The following UGT2A2 variants were observed in gnomAD, a reference collection of about 807,000 sequenced individuals.
The protein encoded by UGT2A2 is UDP-glucuronosyltransferase 2A2.
Under a neutral mutation model 50.7 loss-of-function variants are expected in UGT2A2, and 60 were observed. The observed-to-expected ratio is 1.18, with a 90% CI of 0.96 to 1.47. UGT2A2 has a LOEUF of 1.47. UGT2A2 is among the 40% of genes most tolerant of loss of function. The probability of loss-of-function intolerance (pLI) is 0.00; values close to 1 mark genes in which losing one functional copy is unlikely to be tolerated. For synonymous variants in UGT2A2, 242 were observed against 214.6 expected, an observed-to-expected ratio of 1.13 and a Z score of -1.11; for missense variants, 762 against 634.0, an observed-to-expected ratio of 1.20 and a Z score of -2.17.
rs556690445 is a variant in UGT2A2 at position 69,633,627 on chromosome 4, G to A, written c.742+5272C>T. Among the ~76,000 whole-genome samples, 11 of 152,300 alleles carry A rather than the reference G, an allele frequency of 7.2e-5. No homozygotes were observed. In the South Asian group the frequency reaches 2.3e-3, roughly 32 times the overall value. The stretch of plus-strand genomic sequence containing the variant: ...CCATATAGCTATAAGAATGAGCACA[G>A]CATATCTACATGCAACAACTTGTAC... On this transcript the variant is annotated intron_variant, in intron 1 of 5. Coordinates refer to ENST00000604629, the MANE Select transcript of UGT2A2 (RefSeq NM_001105677.2).
In UGT2A2 at chr4:69,595,173, T is replaced by C. The variant is rs1464651304; in HGVS notation, c.1100A>G (p.Asn367Ser). The C allele has an allele frequency of 3.1e-6, 5 of 1,613,844 alleles. No individual in the cohort carries two copies. The highest frequency in any genetic ancestry group is 4.2e-6 in the Non-Finnish European group (5 of 1,179,848). Residue 367 changes from asparagine (N) to serine (S), a missense_variant, in exon 4 of 6, where the codon AAT becomes AGT. By Grantham distance (46) the Asn-to-Ser change is conservative. Coordinates refer to ENST00000604629, the MANE Select transcript of UGT2A2 (RefSeq NM_001105677.2). Reference sequence around the variant, plus strand: ...CCCCACAGTCTTACCAAGAAGATCATTCTGGGGTATCCAATCAAAGAGCTG... The same window carrying C: ...CCCCACAGTCTTACCAAGAAGATCACTCTGGGGTATCCAATCAAAGAGCTG... ...NTQLFDWIPQ[N>S]DLLGHPKTKA...
chr4:69,608,400 T>C (rs1577963067), intron 1 of UGT2A2, among the ~76,000 whole-genome samples: 2 of 122,276 alleles, frequency 1.6e-5, no homozygotes, highest in East Asian at 2.9e-4. Context: ...AAGGGGAACA[T>C]CACACACCGG....
intron 1 of UGT2A2, among the ~76,000 whole-genome samples, chr4:69,626,392 G>C (rs1400675258): frequency 2.0e-5 from 3 of 150,778 alleles, no homozygotes; most frequent in Non-Finnish European, 4.4e-5. Context: ...TTTTATATAC[G>C]TATGTATACA....
chr4:69,589,507 C>T lies in UGT2A2; in HGVS notation c.1476G>A (p.Trp492Ter), dbSNP rs748837836. The T allele has an allele frequency of 9.5e-5, 153 of 1,613,902 alleles. No homozygotes were observed. The highest frequency in any genetic ancestry group is 1.2e-4 in the Non-Finnish European group (138 of 1,180,012). ...TTACATCCAAAGAGTGGTACTGGAA[C>T]CAGGTGAGGTCATGGGCTGCAACCC... ...HLRVAAHDLTWFQYHSLDVIG... is the reference protein window; with the variant it reads ...HLRVAAHDLT Residue 492 changes from tryptophan (W) to a stop codon, truncating the protein, a stop_gained, in exon 6 of 6, where the codon TGG (tryptophan) becomes TGA (stop). Transcript: ENST00000604629. LOFTEE classifies it high-confidence loss of function.
chr4:69,631,621 T>C (rs532815650), intron 1 of UGT2A2, among the ~76,000 whole-genome samples: 2 of 152,254 alleles, frequency 1.3e-5, no homozygotes, highest in African/African-American at 4.8e-5. Flanking sequence ...TAGTCAGATA[T>C]TTGTGTATCT....
At chr4:69,599,800 T>C (rs890001813) in intron 1 of UGT2A2, 1 of 161,236 alleles carries the variant, frequency 6.2e-6, no homozygotes, top group African/African-American at 2.4e-5. Flanking sequence ...GGATTTTTTG[T>C]TAGTGAAAAA....
At chr4:69,638,868 A>T (rs1378746611) in intron 1 of UGT2A2, 31 bp downstream of exon 1, 1 of 1,513,934 alleles carries the variant, frequency 6.6e-7, no homozygotes, top group South Asian at 1.3e-5. Flanking sequence ...AGGGATGTGG[A>T]GTCATTAAAA....
chr4:69,618,878 G>T (rs1720570050), intron 1 of UGT2A2, among the ~76,000 whole-genome samples: 1 of 151,774 alleles, frequency 6.6e-6, no homozygotes, highest in Non-Finnish European at 1.5e-5. Flanking sequence ...CCAAACTTCG[G>T]AAAATTTTCT....
At position 69,639,314 on chromosome 4, in the gene UGT2A2, A is replaced by G. The variant is rs1215300942; in HGVS notation, c.327T>C (p.Thr109=). ...TGTAGAAAGCCCATATTGTGAGAGGAGTTGGTCTATGGTCAATCCACAGCA... is the reference window on the plus strand; with the variant it reads ...TGTAGAAAGCCCATATTGTGAGAGGGGTTGGTCTATGGTCAATCCACAGCA... ...MIMLWIDHRP[T]PLTIWAFYKE... The change falls in exon 1 of 6, where the codon ACT becomes ACC. Residue 109 remains threonine, a synonymous_variant. Transcript: ENST00000604629. 6.2e-7 allele frequency: 1 copy of G among 1,613,726 alleles called. No homozygotes were observed. Among genetic ancestry groups the G allele is most frequent in the Non-Finnish European group, 8.5e-7 (1 of 1,179,748 alleles).
intron 1 of UGT2A2, among the ~76,000 whole-genome samples, chr4:69,616,855 A>G (rs912641371): frequency 1.0e-5 from 1 of 100,480 alleles, no homozygotes; most frequent in Non-Finnish European, 2.0e-5. Context: ...TTTTTTGAAT[A>G]GTGGTTTCTA....
intron 1 of UGT2A2, among the ~76,000 whole-genome samples, chr4:69,623,803 A>G (rs965947547): frequency 6.6e-6 from 1 of 151,594 alleles, no homozygotes; most frequent in East Asian, 1.9e-4. Flanking sequence ...AATTGAGCTT[A>G]ATGCTTTTTA....
At chr4:69,613,724 C>A (rs1720204052) in intron 1 of UGT2A2, among the ~76,000 whole-genome samples, 2 of 151,906 alleles carry the variant, frequency 1.3e-5, no homozygotes, top group Admixed American at 6.6e-5. Flanking sequence ...GGACAAAATC[C>A]ATATGATTAT....
At chr4:69,634,220 G>A (rs1247686231) in intron 1 of UGT2A2, among the ~76,000 whole-genome samples, 2 of 151,800 alleles carry the variant, frequency 1.3e-5, no homozygotes, top group Non-Finnish European at 2.9e-5. Flanking sequence ...ACTCCAGCCT[G>A]AGCGACAGAG....
At chr4:69,606,416 T>C (rs75310709) in intron 1 of UGT2A2, among the ~76,000 whole-genome samples, 24,412 of 135,402 alleles carry the variant, frequency 0.18, 5,778 homozygotes, top group Non-Finnish European at 0.22. Flanking sequence ...ATTGATGGGA[T>C]GTATCTCAAA....
intron 2 of UGT2A2, among the ~76,000 whole-genome samples, chr4:69,597,157 T>G (rs2109885457): frequency 6.6e-6 from 1 of 152,324 alleles, no homozygotes; most frequent in Admixed American, 6.5e-5. Context: ...TTTTCTCAAC[T>G]GTATGCCTCC....
intron 1 of UGT2A2, among the ~76,000 whole-genome samples, chr4:69,606,118 A>AG (rs1385293777): frequency 3.4e-5 from 3 of 87,092 alleles, no homozygotes; most frequent in Non-Finnish European, 8.4e-5. Context: ...GAGACACAAC[A>AG]AAAAAAGAGA....
At chr4:69,592,308 T>G (rs191666818) in intron 5 of UGT2A2, among the ~76,000 whole-genome samples, 17 of 152,154 alleles carry the variant, frequency 1.1e-4, no homozygotes, top group Admixed American at 2.0e-4. Flanking sequence ...AAAGCAAGTT[T>G]AAAGCACCCA....
chr4:69,622,132 C>G (rs986355454), intron 1 of UGT2A2, among the ~76,000 whole-genome samples: 1 of 151,756 alleles, frequency 6.6e-6, no homozygotes, highest in East Asian at 1.9e-4. Context: ...TGTAACAAAC[C>G]TGCACATGTA....
intron 1 of UGT2A2, among the ~76,000 whole-genome samples, chr4:69,630,990 C>A (rs969952106): frequency 6.6e-6 from 1 of 152,106 alleles, no homozygotes; most frequent in Non-Finnish European, 1.5e-5. Context: ...TGAATGTGAT[C>A]TCTGTGATAG....
Sources: allele counts gnomAD v4.1 joint callset (sites outside exome capture counted in the v4.1 genomes callset), GRCh38; gene constraint gnomAD v4.1.1; transcripts MANE v1.5; gene names NCBI Gene and HGNC (gene_info 2026-07-23, HGNC 2026-07-21).